The following ZC2HC1A variants were observed in gnomAD, a reference collection of about 807,000 sequenced individuals.
The protein encoded by ZC2HC1A is zinc finger C2HC domain-containing protein 1A.
In ZC2HC1A, 28 loss-of-function variants were observed where a neutral mutation model predicts 40.7. The observed-to-expected ratio is 0.69, with a 90% CI of 0.51 to 0.94. The LOEUF is 0.94. ZC2HC1A is among the 40% of genes least tolerant of loss of function. The probability of loss-of-function intolerance (pLI) is 0.00; values close to 1 mark genes in which losing one functional copy is unlikely to be tolerated. For missense variants in ZC2HC1A, 389 were observed against 386.3 expected (o/e 1.01, Z -0.06); for synonymous variants, 129 against 129.2 (o/e 1.00, Z 0.01).
intron 2 of ZC2HC1A, chr8:78,676,125 TAA>T (rs145824687): frequency 3.2e-4 from 63 of 195,226 alleles, no homozygotes; most frequent in Non-Finnish European, 4.1e-4. Flanking sequence ...ACAAACAAAA[TAA>T]AAAAAAAAAA....
At chr8:78,686,310 GT>G (rs1315117305) in intron 3 of ZC2HC1A, among the ~76,000 whole-genome samples, 156 bp from the exon 4 acceptor site, 2 of 152,024 alleles carry the variant, frequency 1.3e-5, no homozygotes, top group Non-Finnish European at 2.9e-5. Context: ...GTTGCATAAA[GT>G]TTCTCTTTAA....
At chr8:78,697,759 A>G (rs1429998733) in intron 6 of ZC2HC1A, among the ~76,000 whole-genome samples, 14 of 151,658 alleles carry the variant, frequency 9.2e-5, no homozygotes, top group Admixed American at 9.2e-4. Context: ...GCTCACTGCA[A>G]CCTTCGCCTC....
chr8:78,703,245 T>G (rs1222351350), intron 7 of ZC2HC1A, among the ~76,000 whole-genome samples: 3 of 152,144 alleles, frequency 2.0e-5, no homozygotes, highest in Non-Finnish European at 4.4e-5. Context: ...AGAACACTAT[T>G]CTGTTGTTTT....
At chr8:78,708,187 T>C (rs1810838617) in intron 7 of ZC2HC1A, among the ~76,000 whole-genome samples, 1 of 152,226 alleles carries the variant, frequency 6.6e-6, no homozygotes, top group East Asian at 1.9e-4. Context: ...TAATGCTCAA[T>C]AAATTGAGCA....
chr8:78,704,747 T>C (rs1464600923), intron 7 of ZC2HC1A, among the ~76,000 whole-genome samples: 1 of 152,178 alleles, frequency 6.6e-6, no homozygotes, highest in East Asian at 1.9e-4. Context: ...CAGTCATAGA[T>C]TTGGTCTTTT....
rs185383561 is a variant in ZC2HC1A, at chr8:78,690,387, C to T, written c.504+1014C>T. Among the ~76,000 whole-genome samples, 1,520 of 152,120 alleles carry T rather than the reference C, an allele frequency of 1.0e-2. 29 individuals carry two copies. The highest frequency in any genetic ancestry group is 0.012 in the Non-Finnish European group (786 of 67,968). ...CATCCTGGCTAACACGGTGAAACCC[C>T]GTCTCTAATAAAAATACAAAAAATT... On this transcript the variant is annotated intron_variant, in intron 5 of 8. Coordinates refer to ENST00000263849, the MANE Select transcript of ZC2HC1A (RefSeq NM_016010.3).
At chr8:78,709,004 T>C (rs1810872149) in intron 7 of ZC2HC1A, among the ~76,000 whole-genome samples, 1 of 152,154 alleles carries the variant, frequency 6.6e-6, no homozygotes. Context: ...ATTTTAGAAA[T>C]ACAGTGAAAC....
At chr8:78,691,304 C>T (rs1483858500) in intron 5 of ZC2HC1A, among the ~76,000 whole-genome samples, 2 of 152,098 alleles carry the variant, frequency 1.3e-5, no homozygotes, top group African/African-American at 4.8e-5. Flanking sequence ...GTTTGCATAG[C>T]ATTTATAAAT....
intron 7 of ZC2HC1A, among the ~76,000 whole-genome samples, chr8:78,700,449 G>A (rs781301383): frequency 2.6e-5 from 4 of 152,006 alleles, no homozygotes. Context: ...CTCCCATTCT[G>A]TAGGTTGTCT....
chr8:78,694,752 T>G (rs1478420362), intron 5 of ZC2HC1A, among the ~76,000 whole-genome samples: 1 of 152,196 alleles, frequency 6.6e-6, no homozygotes, highest in Non-Finnish European at 1.5e-5. Flanking sequence ...TAGTCATTAG[T>G]CTTTGTATAA....
At chr8:78,694,823 A>G (rs1810346822) in intron 5 of ZC2HC1A, among the ~76,000 whole-genome samples, 2 of 152,234 alleles carry the variant, frequency 1.3e-5, no homozygotes, top group South Asian at 4.1e-4. Context: ...AATAATAATT[A>G]CCAAATAATA....
intron 4 of ZC2HC1A, among the ~76,000 whole-genome samples, chr8:78,687,373 G>A (rs1204434127): frequency 6.7e-6 from 1 of 150,350 alleles, no homozygotes; most frequent in East Asian, 1.9e-4. Context: ...GAGAGATATA[G>A]TATATCTACA....
At chr8:78,699,155 C>T (rs1810522130) in intron 7 of ZC2HC1A, among the ~76,000 whole-genome samples, 2 of 151,992 alleles carry the variant, frequency 1.3e-5, no homozygotes, top group Admixed American at 6.5e-5. Context: ...AGCTACTGAA[C>T]TCCATGTGTA....
At chr8:78,687,218 T>G (rs1810011077) in intron 4 of ZC2HC1A, among the ~76,000 whole-genome samples, 1 of 151,966 alleles carries the variant, frequency 6.6e-6, no homozygotes, top group Non-Finnish European at 1.5e-5. Context: ...ACATTCCTTA[T>G]TAGAGCAGCC....
chr8:78,669,334 ACTAC>A (rs1474180478), intron 1 of ZC2HC1A, among the ~76,000 whole-genome samples: 1 of 142,504 alleles, frequency 7.0e-6, no homozygotes, highest in African/African-American at 3.1e-5. Flanking sequence ...TAAATATGTA[ACTAC>A]CTAAATTATA....
At chr8:78,711,910 G>T in intron 7 of ZC2HC1A, 1 of 849,616 alleles carries the variant, frequency 1.2e-6, no homozygotes, top group Non-Finnish European at 1.7e-6. Flanking sequence ...TGATGAACCA[G>T]AATAATGTCT....
chr8:78,687,634 T>TA (rs1810042590), intron 4 of ZC2HC1A, among the ~76,000 whole-genome samples: 1 of 130,594 alleles, frequency 7.7e-6, no homozygotes, highest in Admixed American at 8.7e-5. Flanking sequence ...ACGTAATACA[T>TA]TATATATATA....
chr8:78,716,414 C>T (rs992136859), intron 8 of ZC2HC1A, among the ~76,000 whole-genome samples: 5 of 152,114 alleles, frequency 3.3e-5, no homozygotes, highest in African/African-American at 1.2e-4. Context: ...TGAGCCACCG[C>T]ACCCGGCCTA....
chr8:78,683,279 A>G (rs1809849700), intron 3 of ZC2HC1A, among the ~76,000 whole-genome samples: 1 of 152,228 alleles, frequency 6.6e-6, no homozygotes, highest in Non-Finnish European at 1.5e-5. Flanking sequence ...GCAGTGCCCT[A>G]GCAGAGGTTC....
Sources: gnomAD v4.1 joint callset for allele counts (sites outside exome capture counted in the v4.1 genomes callset) on GRCh38, gnomAD v4.1.1 for gene constraint, MANE v1.5 for transcripts, NCBI Gene and HGNC (gene_info 2026-07-23, HGNC 2026-07-21) for gene names.